The following IFI27 variants were observed in gnomAD, a reference collection of about 807,000 sequenced individuals.
The protein encoded by IFI27 is interferon alpha-inducible protein 27, mitochondrial.
In IFI27, 3 loss-of-function variants were observed where a neutral mutation model predicts 8.9. That is an observed-to-expected ratio of 0.34 (90% confidence interval 0.15 to 0.87). The LOEUF is 0.87. Among genes scored for constraint, IFI27 ranks in the 40% least tolerant of loss-of-function variants. The pLI is 0.51. For missense variants in IFI27, 152 were observed against 157.7 expected (o/e 0.96, Z 0.19); for synonymous variants, 66 against 67.3 (o/e 0.98, Z 0.09).
chr14:94,111,637 T>C lies in IFI27; in HGVS notation c.-46T>C. ...ATCCCTTCGGCAGGTCTGGCTGAAG[T>C]TGAGGATCTCTTACTCTCTAGGCCA... On this transcript the variant is annotated 5_prime_UTR_variant, in exon 2 of 5. Coordinates refer to ENST00000621160, the Ensembl canonical transcript of IFI27. This position sits in a 1 kb window ranked among gnomAD's most constrained non-coding sequence, Gnocchi z 4.3. The C allele has an allele frequency of 6.6e-7, 1 of 1,517,086 alleles. No homozygotes were observed. Among genetic ancestry groups the C allele is most frequent in the Non-Finnish European group, 9.2e-7 (1 of 1,091,908 alleles). The allele number at this position is 1,517,086 out of a possible 1,614,324, so 94.0% of individuals were successfully genotyped here.
chr14:94,113,072 G>A (rs562410189), intron 2 of IFI27: 2 of 152,368 alleles, frequency 1.3e-5, no homozygotes, highest in East Asian at 3.9e-4. Context: ...CCCAGAGGAA[G>A]ATAAGAAGAT....
At position 94,116,564 on chromosome 14, in the gene IFI27, C is replaced by A. The variant is rs1595414912; in HGVS notation, c.*37C>A. On this transcript the variant is annotated 3_prime_UTR_variant, in exon 5 of 5. Transcript: ENST00000621160. This position sits in a 1 kb window ranked among gnomAD's most constrained non-coding sequence, Gnocchi z 4.3. ...TCGCCCTGCAGAGAAGAGAACCATG[C>A]CAGGGGAGAAGGCACCCAGCCATCC... The A allele has an allele frequency of 6.5e-7, 1 of 1,543,954 alleles. No homozygotes were observed. Among genetic ancestry groups the A allele is most frequent in the Non-Finnish European group, 8.9e-7 (1 of 1,124,260 alleles).
At chr14:94,105,980 C>T (rs759889526), upstream of IFI27, 2 of 152,166 alleles carry the variant, frequency 1.3e-5, no homozygotes, top group Non-Finnish European at 2.9e-5. Flanking sequence ...TAACAAAATA[C>T]CATAGACTAG....
At position 94,111,828 on chromosome 14, in the gene IFI27, C is replaced by T. The variant is rs112353168; in HGVS notation, c.91+55C>T. The stretch of plus-strand genomic sequence containing the variant: ...GGGGCGAGGAGGCGGCTGGGAAGGG[C>T]GGGGGTCCTGTCCCGGGACCCGTGG... On this transcript the variant is annotated intron_variant, in intron 2 of 4. Transcript: ENST00000621160. This position sits in a 1 kb window ranked among gnomAD's most constrained non-coding sequence, Gnocchi z 4.3. 1.0e-3 allele frequency: 1,389 copies of T among 1,335,530 alleles called. 11 individuals carry two copies. The African/African-American group carries it at 0.017, about 17-fold the overall frequency. The allele number at this position is 1,335,530 out of a possible 1,614,324, so 82.7% of individuals were successfully genotyped here.
rs935591670 is a variant in IFI27, at chr14:94,115,956, C to T, written c.283+14C>T. ...TGCAGTCACTGGGTAAGTATCCTGG[C>T]GGGGCTTGCTGGGGAGGGCGATGAG... On this transcript the variant is annotated intron_variant, in intron 4 of 4. Transcript: ENST00000621160. The T allele has an allele frequency of 1.2e-5, 19 of 1,562,120 alleles. No individual in the cohort carries two copies. Among genetic ancestry groups the T allele is most frequent in the Admixed American group, 5.7e-5 (3 of 52,238 alleles).
Position 94,116,120 on chromosome 14 carries a change from G to A in IFI27, c.283+178G>A, listed in dbSNP as rs1159058867. 1.2e-6 allele frequency: 1 copy of A among 807,866 alleles called. No homozygotes were observed. 50.0% of individuals were successfully genotyped at this position (807,866 alleles called of 1,614,324 possible). A position where few individuals can be genotyped will look rare whatever the true frequency, so the allele number is the denominator to read the frequency against. ...GGAGGGAGGGAAGGAGCCCAAGCCA[G>A]GAACAGTGCACTCAGGAAGACTCAG... On this transcript the variant is annotated intron_variant, in intron 4 of 4. Coordinates refer to ENST00000621160, the Ensembl canonical transcript of IFI27. The surrounding 1 kb of genome is among the most constrained non-coding windows in gnomAD (Gnocchi z 4.3).
chr14:94,112,471 C>T (rs1887229166), intron 2 of IFI27, among the ~76,000 whole-genome samples: 1 of 152,204 alleles, frequency 6.6e-6, no homozygotes, highest in African/African-American at 2.4e-5. Context: ...CGATGAGCAT[C>T]TAATCCTGGC....
Position 94,116,485 on chromosome 14 carries a change from C to T in IFI27, c.327C>T (p.Ser109=). The change falls in exon 5 of 5, where the codon TCC becomes TCT. Residue 109 remains serine, a synonymous_variant. Coordinates refer to ENST00000621160, the Ensembl canonical transcript of IFI27. The surrounding 1 kb of genome is among the most constrained non-coding windows in gnomAD (Gnocchi z 4.3). ...GATTGACCAAGTTCATCCTGGGCTC[C>T]ATTGGGTCTGCCATTGCGGCTGTCA... 3.7e-6 allele frequency: 6 copies of T among 1,613,618 alleles called. No homozygotes were observed. The highest frequency in any genetic ancestry group is 5.1e-6 in the Non-Finnish European group (6 of 1,179,846).
chr14:94,114,672 ACCCT>A, intron 2 of IFI27, 175 bp from the exon 3 acceptor site: 1 of 641,224 alleles, frequency 1.6e-6, no homozygotes. Flanking sequence ...AGTGATCCTC[ACCCT>A]CCTCCAGAAT....
At chr14:94,109,710 C>T (rs1455717877), upstream of IFI27, among the ~76,000 whole-genome samples, 1 of 152,182 alleles carries the variant, frequency 6.6e-6, no homozygotes, top group Non-Finnish European at 1.5e-5. Context: ...AACGGGAGAG[C>T]CTCATCTTGC....
chr14:94,114,579 C>A, intron 2 of IFI27: 1 of 511,478 alleles, frequency 2.0e-6, no homozygotes. Flanking sequence ...AAGATAACAT[C>A]TGATTCCCCC....
At position 94,116,553 on chromosome 14, in the gene IFI27, AGAG is replaced by A; in HGVS notation, c.*27_*29del. The A allele has an allele frequency of 6.3e-7, 1 of 1,583,126 alleles. No individual in the cohort carries two copies. The highest frequency in any genetic ancestry group is 8.6e-7 in the Non-Finnish European group (1 of 1,157,220). On this transcript the variant is annotated 3_prime_UTR_variant, in exon 5 of 5. Transcript: ENST00000621160. The surrounding 1 kb of genome is among the most constrained non-coding windows in gnomAD (Gnocchi z 4.3). Reference sequence around the variant, plus strand: ...CTCCCTGCCCCTCGCCCTGCAGAGAAGAGAACCATGCCAGGGGAGAAGGCACCC... The same window carrying A: ...CTCCCTGCCCCTCGCCCTGCAGAGAAAACCATGCCAGGGGAGAAGGCACCC...
At chr14:94,115,803 C>T in exon 4 of IFI27, 1 of 1,607,572 alleles carries the variant, frequency 6.2e-7, no homozygotes, top group Non-Finnish European at 8.5e-7. Context: ...CGGCTGTGCC[C>T]ATGGTGCTCA....
upstream of IFI27, among the ~76,000 whole-genome samples, chr14:94,107,277 G>T (rs1478471745): frequency 6.6e-6 from 1 of 152,164 alleles, no homozygotes; most frequent in Non-Finnish European, 1.5e-5. Context: ...CACCATGTCG[G>T]TCAGGCTGGT....
At chr14:94,109,486 A>G (rs1012235479), upstream of IFI27, among the ~76,000 whole-genome samples, 10 of 152,138 alleles carry the variant, frequency 6.6e-5, no homozygotes, top group African/African-American at 2.2e-4. Context: ...GCGAGTTCTG[A>G]CCGCCAAGTG....
At position 94,116,424 on chromosome 14, in the gene IFI27, C is replaced by G; in HGVS notation, c.284-18C>G. 2 of 1,588,378 alleles carry G rather than the reference C, an allele frequency of 1.3e-6. No homozygotes were observed. The highest frequency in any genetic ancestry group is 1.7e-6 in the Non-Finnish European group (2 of 1,160,090). ...CGACAGGCATGTCCCACTCTGTCCACCCTCTGCTTCTTCCCAGGAGCAACT... is the reference window on the plus strand; with the variant it reads ...CGACAGGCATGTCCCACTCTGTCCAGCCTCTGCTTCTTCCCAGGAGCAACT... On this transcript the variant is annotated intron_variant, in intron 4 of 4. Coordinates refer to ENST00000621160, the Ensembl canonical transcript of IFI27. The surrounding 1 kb of genome is among the most constrained non-coding windows in gnomAD (Gnocchi z 4.3).
chr14:94,106,841 A>G (rs1179259541), upstream of IFI27, among the ~76,000 whole-genome samples: 1 of 152,152 alleles, frequency 6.6e-6, no homozygotes, highest in African/African-American at 2.4e-5. Flanking sequence ...TCTTTTCTGC[A>G]GTCAGATCTT....
chr14:94,111,569 G>A lies in IFI27; in HGVS notation c.-58-56G>A. The A allele has an allele frequency of 1.2e-6, 1 of 824,752 alleles. No individual in the cohort carries two copies. The allele number at this position is 824,752 out of a possible 1,614,324, so 51.1% of individuals were successfully genotyped here. ...GCCCGTCACATTTTTCAGGACAGTG[G>A]GAAGCAAGTCAGGTTGTGTGCCCAT... On this transcript the variant is annotated intron_variant, in intron 1 of 4. Coordinates refer to ENST00000621160, the Ensembl canonical transcript of IFI27. The surrounding 1 kb of genome is among the most constrained non-coding windows in gnomAD (Gnocchi z 4.3).
At chr14:94,110,498 C>T (rs1887136979), upstream of IFI27, among the ~76,000 whole-genome samples, 1 of 152,222 alleles carries the variant, frequency 6.6e-6, no homozygotes, top group Non-Finnish European at 1.5e-5. Context: ...AGAGCACACT[C>T]CCATCCTTGA....
Sources: allele counts gnomAD v4.1 joint callset (sites outside exome capture counted in the v4.1 genomes callset), GRCh38; gene constraint gnomAD v4.1.1; non-coding constraint Gnocchi (gnomAD v3.1); transcripts MANE v1.5; gene names NCBI Gene and HGNC (gene_info 2026-07-23, HGNC 2026-07-21).